SPOCK3: variants seen among roughly 807,000 people sequenced by gnomAD.
SPOCK3 encodes SPARC (osteonectin), cwcv and kazal like domains proteoglycan 3, also known as testican-3.
A neutral mutation model predicts 56.6 loss-of-function variants in SPOCK3; 30 were observed. The observed-to-expected ratio is 0.53, with a 90% CI of 0.40 to 0.72. SPOCK3 has a LOEUF of 0.72. Ranked by LOEUF, SPOCK3 falls within the 30% of genes least tolerant of loss-of-function variation. The pLI is 0.00. For synonymous variants in SPOCK3, 196 were observed against 183.3 expected, an observed-to-expected ratio of 1.07 and a Z score of -0.56; for missense variants, 527 against 530.0, an observed-to-expected ratio of 0.99 and a Z score of 0.06.
chr4:167,220,378 C>CTTTTT (rs61002914), intron 2 of SPOCK3, among the ~76,000 whole-genome samples: 1 of 130,064 alleles, frequency 7.7e-6, no homozygotes, highest in Non-Finnish European at 1.6e-5. Flanking sequence ...ACTGTAAGAA[C>CTTTTT]TTTTTTTTTT....
chr4:167,088,664 C>T (rs1007831950), intron 2 of SPOCK3, among the ~76,000 whole-genome samples: 1 of 151,944 alleles, frequency 6.6e-6, no homozygotes, highest in Middle Eastern at 3.4e-3. Flanking sequence ...GGGATTTCAC[C>T]TCCTTGGCCA....
intron 2 of SPOCK3, among the ~76,000 whole-genome samples, chr4:167,130,134 G>T (rs1402755819): frequency 1.3e-5 from 2 of 152,014 alleles, no homozygotes; most frequent in Non-Finnish European, 2.9e-5. Context: ...TCCCCGCTCA[G>T]CTTCTCAGTT....
chr4:167,189,580 G>A (rs944812428), intron 2 of SPOCK3, among the ~76,000 whole-genome samples: 11 of 145,138 alleles, frequency 7.6e-5, no homozygotes, highest in Non-Finnish European at 6.0e-5. Context: ...CCAAAACCAA[G>A]TTAATTAACA....
At chr4:167,175,598 G>A (rs766379822) in intron 2 of SPOCK3, among the ~76,000 whole-genome samples, 4 of 152,022 alleles carry the variant, frequency 2.6e-5, no homozygotes, top group African/African-American at 4.8e-5. Context: ...TATGACTGGC[G>A]TCCTTATAAT....
chr4:166,867,548 C>T (rs1172800347), intron 6 of SPOCK3, among the ~76,000 whole-genome samples: 1 of 151,366 alleles, frequency 6.6e-6, no homozygotes, highest in Non-Finnish European at 1.5e-5. Context: ...AATGAATTCC[C>T]TAATTTTGGA....
chr4:166,766,360 C>T (rs1738052424), intron 7 of SPOCK3, among the ~76,000 whole-genome samples: 1 of 152,108 alleles, frequency 6.6e-6, no homozygotes, highest in Non-Finnish European at 1.5e-5. Context: ...GAGATACATC[C>T]CATCAATACC....
At chr4:166,805,466 A>C (rs1743059180) in intron 6 of SPOCK3, among the ~76,000 whole-genome samples, 1 of 152,064 alleles carries the variant, frequency 6.6e-6, no homozygotes, top group African/African-American at 2.4e-5. Flanking sequence ...GATTTGATAG[A>C]TTAGGTAAAG....
At chr4:166,817,274 A>C (rs544892564) in intron 6 of SPOCK3, among the ~76,000 whole-genome samples, 1 of 152,154 alleles carries the variant, frequency 6.6e-6, no homozygotes, top group African/African-American at 2.4e-5. Context: ...CTGTAGACAA[A>C]CCTTCCCTTT....
chr4:166,924,627 A>G (rs1236186650), intron 4 of SPOCK3, among the ~76,000 whole-genome samples: 2 of 152,202 alleles, frequency 1.3e-5, no homozygotes, highest in Non-Finnish European at 2.9e-5. Context: ...CCTCACTAAC[A>G]ATGCCTGAAA....
intron 3 of SPOCK3, among the ~76,000 whole-genome samples, chr4:167,027,467 A>G (rs1298989406): frequency 6.6e-6 from 1 of 151,942 alleles, no homozygotes; most frequent in Non-Finnish European, 1.5e-5. Flanking sequence ...TTAATAGTAT[A>G]TATAATTAAG....
chr4:166,820,472 T>A (rs1472268520), intron 6 of SPOCK3, among the ~76,000 whole-genome samples: 1 of 151,988 alleles, frequency 6.6e-6, no homozygotes, highest in Non-Finnish European at 1.5e-5. Context: ...ATACAGCTGT[T>A]AAGATTTATG....
intron 4 of SPOCK3, among the ~76,000 whole-genome samples, chr4:166,926,591 G>T (rs574166944): frequency 6.6e-6 from 1 of 151,954 alleles, no homozygotes; most frequent in Non-Finnish European, 1.5e-5. Context: ...TTCTTTGACA[G>T]AATTTTAAAA....
In SPOCK3 at chr4:167,045,070, C is replaced by T. The variant is rs371529337; in HGVS notation, c.235+17422G>A. ...TTCCTTGTAGTTCTCTCAGGTTTTG[C>T]CTCACATATTTTGTTCTCTTGTTAG... On this transcript the variant is annotated intron_variant, in intron 3 of 10. Transcript: ENST00000357545. 8.5e-4 allele frequency among the ~76,000 whole-genome samples: 130 copies of T among 152,190 alleles called. 2 individuals are homozygous for T. The South Asian group carries it at 0.026, about 31-fold the overall frequency.
At chr4:167,008,200 T>TA (rs933484622) in intron 3 of SPOCK3, among the ~76,000 whole-genome samples, 1 of 151,940 alleles carries the variant, frequency 6.6e-6, no homozygotes, top group Non-Finnish European at 1.5e-5. Context: ...GTTGAAGGTC[T>TA]AAAAAAATGT....
intron 2 of SPOCK3, among the ~76,000 whole-genome samples, chr4:167,207,049 A>G (rs1267517692): frequency 6.6e-6 from 1 of 152,130 alleles, no homozygotes; most frequent in South Asian, 2.1e-4. Flanking sequence ...TTTAAACAAT[A>G]CTGTGTACCC....
chr4:166,988,667 A>G (rs1461451991), intron 4 of SPOCK3, among the ~76,000 whole-genome samples: 1 of 152,168 alleles, frequency 6.6e-6, no homozygotes, highest in African/African-American at 2.4e-5. Context: ...GCAGCAGATA[A>G]TGGGAGGCTT....
At chr4:167,195,989 A>G (rs1239562949) in intron 2 of SPOCK3, among the ~76,000 whole-genome samples, 2 of 152,186 alleles carry the variant, frequency 1.3e-5, no homozygotes, top group African/African-American at 2.4e-5. Flanking sequence ...GAAATTTTAG[A>G]TTACCATAAT....
chr4:166,891,030 CT>C (rs1294052526), intron 5 of SPOCK3, among the ~76,000 whole-genome samples: 4 of 151,872 alleles, frequency 2.6e-5, no homozygotes, highest in Admixed American at 6.6e-5. Context: ...CATTTTTGAT[CT>C]TTGTTGATTT....
At chr4:166,781,450 A>G (rs1480667028) in intron 7 of SPOCK3, among the ~76,000 whole-genome samples, 1 of 152,038 alleles carries the variant, frequency 6.6e-6, no homozygotes, top group Non-Finnish European at 1.5e-5. Context: ...GGAGGAAGAG[A>G]GAAGACAAAG....
Sources: gnomAD v4.1 joint callset for allele counts (sites outside exome capture counted in the v4.1 genomes callset) on GRCh38, gnomAD v4.1.1 for gene constraint, MANE v1.5 for transcripts, NCBI Gene and HGNC (gene_info 2026-07-23, HGNC 2026-07-21) for gene names.